Variants in SETD3 observed in about 807,000 individuals in gnomAD.
The protein encoded by SETD3 is actin-histidine N-methyltransferase.
SETD3 carries 19 observed loss-of-function variants against 63.0 expected under a neutral mutation model. The ratio of observed to expected loss-of-function variants is 0.30; its 90% CI spans 0.21 to 0.44. SETD3 has a LOEUF of 0.44. Among genes scored for constraint, SETD3 ranks in the 20% least tolerant of loss-of-function variants. The pLI is 1.00. For missense variants in SETD3, 587 were observed against 728.5 expected (o/e 0.81, Z 2.24); for synonymous variants, 286 against 264.1 (o/e 1.08, Z -0.80).
intron 6 of SETD3, among the ~76,000 whole-genome samples, chr14:99,440,542 T>C (rs1474493127): frequency 6.6e-6 from 1 of 152,010 alleles, no homozygotes; most frequent in Non-Finnish European, 1.5e-5. Context: ...CTGGAACAGC[T>C]CAGAGAGCGA....
At chr14:99,471,809 T>C (rs1241674467) in intron 1 of SETD3, among the ~76,000 whole-genome samples, 6 of 152,124 alleles carry the variant, frequency 3.9e-5, no homozygotes, top group Admixed American at 6.5e-5. Context: ...CTGTTTCTGA[T>C]AGAAAAGGAA....
At chr14:99,454,976 C>A (rs932845341) in intron 6 of SETD3, among the ~76,000 whole-genome samples, 2 of 152,238 alleles carry the variant, frequency 1.3e-5, no homozygotes, top group Non-Finnish European at 2.9e-5. Flanking sequence ...CACGAAAAAA[C>A]AGGTCTTCAT....
intron 6 of SETD3, among the ~76,000 whole-genome samples, chr14:99,454,720 A>T (rs1343551507): frequency 2.6e-5 from 4 of 151,536 alleles, no homozygotes; most frequent in Non-Finnish European, 5.9e-5. Flanking sequence ...CCCTTTACAG[A>T]TACGGGAAGG....
intron 6 of SETD3, among the ~76,000 whole-genome samples, chr14:99,451,884 T>C (rs1228098585): frequency 6.6e-6 from 1 of 152,098 alleles, no homozygotes. Flanking sequence ...CTATTATCTG[T>C]TGAACACCTG....
intron 6 of SETD3, among the ~76,000 whole-genome samples, chr14:99,452,489 G>T (rs906592830): frequency 2.0e-5 from 3 of 152,218 alleles, no homozygotes; most frequent in African/African-American, 7.2e-5. Flanking sequence ...AAAGGTCCTG[G>T]ATCAAGGAAA....
chr14:99,443,737 T>C (rs1893971430), intron 6 of SETD3, among the ~76,000 whole-genome samples: 1 of 152,206 alleles, frequency 6.6e-6, no homozygotes, highest in South Asian at 2.1e-4. Flanking sequence ...TGCTGCAGAT[T>C]ATGAGATTGA....
At chr14:99,414,816 T>C (rs529567653) in intron 6 of SETD3, among the ~76,000 whole-genome samples, 94 of 152,266 alleles carry the variant, frequency 6.2e-4, no homozygotes, top group Non-Finnish European at 1.1e-3. Flanking sequence ...AATGAACAAA[T>C]GGTTATTTCT....
chr14:99,482,888 T>A (rs1896387982), upstream of SETD3, among the ~76,000 whole-genome samples: 1 of 152,188 alleles, frequency 6.6e-6, no homozygotes, highest in African/African-American at 2.4e-5. Context: ...GGGAGGACAG[T>A]GTTTTCTGCT....
chr14:99,486,183 C>T, the SETD3 span, among the ~76,000 whole-genome samples: 1 of 152,170 alleles, frequency 6.6e-6, no homozygotes, highest in Non-Finnish European at 1.5e-5. Flanking sequence ...CTGTTGACTA[C>T]CATCTCTGGT....
At chr14:99,437,741 T>C (rs532636542) in intron 6 of SETD3, among the ~76,000 whole-genome samples, 67 of 152,322 alleles carry the variant, frequency 4.4e-4, no homozygotes, top group Non-Finnish European at 8.5e-4. Context: ...TCTTTCAGTT[T>C]TGAGATACTA....
chr14:99,434,339 G>T (rs1353585331), intron 6 of SETD3, among the ~76,000 whole-genome samples: 2 of 152,106 alleles, frequency 1.3e-5, no homozygotes, highest in Non-Finnish European at 2.9e-5. Context: ...AAAACCCCAA[G>T]GAGGCAAAGC....
In SETD3 at chr14:99,399,018, T is replaced by C. The variant is rs987418059; in HGVS notation, c.1446A>G (p.Ala482=). 8 of 1,614,238 alleles carry C rather than the reference T, an allele frequency of 5.0e-6. No individual in the cohort carries two copies. The highest frequency in any genetic ancestry group is 6.8e-6 in the Non-Finnish European group (8 of 1,180,040). Residue 482 remains alanine, a synonymous_variant, in exon 13 of 13, where the codon GCA becomes GCG. Transcript: ENST00000331768. ...KEILEKAVKS[A]AVNREYYRQQ... is the part of the protein sequence containing the mutation. ...GGCGATAGTATTCCCGGTTGACAGC[T>C]GCACTCTTTACTGCTTTTTCCAAAA... is the stretch of plus-strand genomic sequence containing the variant.
At position 99,466,416 on chromosome 14, in the gene SETD3, C is replaced by T. The variant is rs375285265; in HGVS notation, c.-8-603G>A. Among the ~76,000 whole-genome samples, 6 of 152,298 alleles carry T rather than the reference C, an allele frequency of 3.9e-5. No individual in the cohort carries two copies. In the South Asian group the frequency reaches 1.0e-3, roughly 26 times the overall value. ...GACCCGGGACTTGAACGAGGTCTCC[C>T]GTCGCGTTCCAGTGTGCCACACACG... On this transcript the variant is annotated intron_variant, in intron 1 of 12. Coordinates refer to ENST00000331768, the MANE Select transcript of SETD3 (RefSeq NM_032233.3).
Position 99,458,316 on chromosome 14 carries a change from G to T in SETD3, c.638C>A (p.Thr213Lys). ...IHDVFSQYKN[T>K]ARQYAYFYKV... ...ATAGAAGTAGGCGTACTGTCGAGCT[G>T]TGTTTTTATACTGGCTGAAGACATC... The change falls in exon 6 of 13, where the codon ACA becomes AAA. Residue 213 changes from threonine (T) to lysine (K), a missense_variant. By Grantham distance (78) the Thr-to-Lys change is moderately conservative (BLOSUM62 -1). Coordinates refer to ENST00000331768, the MANE Select transcript of SETD3 (RefSeq NM_032233.3). 6.2e-7 allele frequency: 1 copy of T among 1,614,198 alleles called. No homozygotes were observed. The highest frequency in any genetic ancestry group is 8.5e-7 in the Non-Finnish European group (1 of 1,180,024).
intron 4 of SETD3, 141 bp downstream of exon 4, chr14:99,461,051 G>T: frequency 1.0e-6 from 1 of 964,180 alleles, no homozygotes; most frequent in Non-Finnish European, 1.6e-6. Flanking sequence ...TGAGCCCAAG[G>T]CCCTTCCAGG....
chr14:99,429,100 A>C (rs1289818524), intron 6 of SETD3, among the ~76,000 whole-genome samples: 1 of 152,188 alleles, frequency 6.6e-6, no homozygotes, highest in Non-Finnish European at 1.5e-5. Flanking sequence ...ATCTGCCATA[A>C]TACGGTGTCT....
chr14:99,434,900 AT>A (rs1893394737), intron 6 of SETD3, among the ~76,000 whole-genome samples: 2 of 145,468 alleles, frequency 1.4e-5, no homozygotes, highest in Non-Finnish European at 3.0e-5. Flanking sequence ...ATATACATGT[AT>A]TTCATTATGT....
intron 11 of SETD3, among the ~76,000 whole-genome samples, chr14:99,401,485 ATTAG>A (rs1409768230): frequency 6.6e-6 from 1 of 152,214 alleles, no homozygotes. Flanking sequence ...TTTTATTAGT[ATTAG>A]TTAGAGTAAT....
chr14:99,434,052 A>C (rs1167257895), intron 6 of SETD3, among the ~76,000 whole-genome samples: 1 of 152,206 alleles, frequency 6.6e-6, no homozygotes, highest in East Asian at 1.9e-4. Context: ...TTCTTCTCCC[A>C]AGAGAATACC....
Sources: allele counts gnomAD v4.1 joint callset (sites outside exome capture counted in the v4.1 genomes callset), GRCh38; gene constraint gnomAD v4.1.1; transcripts MANE v1.5; gene names NCBI Gene and HGNC (gene_info 2026-07-23, HGNC 2026-07-21).